The following B4GALNT2 variants were observed in gnomAD, a reference collection of about 807,000 sequenced individuals.
B4GALNT2 encodes beta-1,4-N-acetyl-galactosaminyltransferase 2 (SID blood group).
B4GALNT2 carries 42 observed loss-of-function variants against 51.1 expected under a neutral mutation model. The observed-to-expected ratio is 0.82, with a 90% CI of 0.64 to 1.06. B4GALNT2 has a LOEUF of 1.06. Among genes scored for constraint, B4GALNT2 ranks in the 50% least tolerant of loss-of-function variants. B4GALNT2 has a pLI of 0.00. For missense variants in B4GALNT2, 602 were observed against 633.6 expected (o/e 0.95, Z 0.54); for synonymous variants, 253 against 251.7 (o/e 1.01, Z -0.05).
intron 4 of B4GALNT2, among the ~76,000 whole-genome samples, chr17:49,154,109 T>G (rs1325915218): frequency 6.6e-6 from 1 of 151,748 alleles, no homozygotes; most frequent in African/African-American, 2.4e-5. Flanking sequence ...GTTCAAGCCA[T>G]TCTCCTGCCT....
intron 4 of B4GALNT2, among the ~76,000 whole-genome samples, 178 bp downstream of exon 4, chr17:49,153,084 C>T (rs747578035): frequency 1.3e-4 from 20 of 152,134 alleles, no homozygotes; most frequent in African/African-American, 2.7e-4. Context: ...GCCTGGGTGA[C>T]AGAGTGAGAC....
chr17:49,156,913 T>A (rs1009784443), intron 5 of B4GALNT2, among the ~76,000 whole-genome samples: 14 of 152,236 alleles, frequency 9.2e-5, no homozygotes, highest in African/African-American at 3.4e-4. Context: ...GGGTTAGGGC[T>A]GGCAGGACAG....
rs1214323289 is a variant in B4GALNT2, at chr17:49,169,557, G to A, written c.1350G>A (p.Val450=). 1 of 1,612,444 alleles carries A rather than the reference G, an allele frequency of 6.2e-7. No homozygotes were observed. The highest frequency in any genetic ancestry group is 1.1e-5 in the South Asian group (1 of 91,012). ...TTGATGGGCTAGGGACCCTACTCGT[G>A]GGGTCATGCCCAGAAGTGATTATAG... ...FFIDGLGTLL[V]GSCPEVIIGH... is the part of the protein sequence containing the mutation. The change falls in exon 11 of 11, where the codon GTG becomes GTA. Residue 450 remains valine (V), a synonymous_variant. Coordinates refer to ENST00000393354, the MANE Select transcript of B4GALNT2 (RefSeq NM_001159387.2).
chr17:49,140,024 C>T (rs2042626796), intron 1 of B4GALNT2, among the ~76,000 whole-genome samples: 2 of 149,812 alleles, frequency 1.3e-5, no homozygotes, highest in Admixed American at 6.7e-5. Context: ...AGAGATGTAA[C>T]TTTGCCCTAT....
chr17:49,144,595 G>A (rs767451414), intron 3 of B4GALNT2, among the ~76,000 whole-genome samples: 1 of 152,070 alleles, frequency 6.6e-6, no homozygotes, highest in Non-Finnish European at 1.5e-5. Flanking sequence ...TGTAAAATGA[G>A]GATGCTAATA....
chr17:49,160,408 A>G (rs1316112898), intron 6 of B4GALNT2, 147 bp from the exon 7 acceptor site: 1 of 758,942 alleles, frequency 1.3e-6, no homozygotes, highest in Non-Finnish European at 2.3e-6. Flanking sequence ...CCTGAATGCC[A>G]GAGACTCTAT....
chr17:49,163,756 C>CAAAAA (rs10589274), intron 7 of B4GALNT2, among the ~76,000 whole-genome samples: 4 of 91,120 alleles, frequency 4.4e-5, no homozygotes, highest in Admixed American at 1.3e-4. Flanking sequence ...AACTCCGTAT[C>CAAAAA]AAAAAAAAAA....
chr17:49,174,523 C>A lies in B4GALNT2; in HGVS notation c.*4795C>A, dbSNP rs1398581854. ...TCATAGCAGGAGAAGGCAGTCCTGG[C>A]TGCAATGTCCCCATAGGTTGTATAA... On this transcript the variant is annotated 3_prime_UTR_variant, in exon 11 of 11. Transcript: ENST00000393354. The A allele has an allele frequency of 6.6e-6, 1 of 152,204 alleles. No homozygotes were observed. The highest frequency in any genetic ancestry group is 2.4e-5 in the African/African-American group (1 of 41,448). 9.4% of individuals were successfully genotyped at this position (152,204 alleles called of 1,614,324 possible). A position where few individuals can be genotyped will look rare whatever the true frequency, so the allele number is the denominator to read the frequency against.
chr17:49,137,016 AG>A (rs1282223651), intron 1 of B4GALNT2, among the ~76,000 whole-genome samples: 4 of 152,204 alleles, frequency 2.6e-5, no homozygotes, highest in African/African-American at 9.6e-5. Flanking sequence ...ACAGCTTAAA[AG>A]GCATGTAATA....
In B4GALNT2 at chr17:49,151,698, A is replaced by G. The variant is rs182635618; in HGVS notation, c.354-1102A>G. On this transcript the variant is annotated intron_variant, in intron 3 of 10. Coordinates refer to ENST00000393354, the MANE Select transcript of B4GALNT2 (RefSeq NM_001159387.2). Reference sequence around the variant, plus strand: ...GAGGCAGAGGTTGCAGTGAGCTGAGATCGCACCACTGAACTCCAGCCTGGC... The same window carrying G: ...GAGGCAGAGGTTGCAGTGAGCTGAGGTCGCACCACTGAACTCCAGCCTGGC... 8.6e-5 allele frequency among the ~76,000 whole-genome samples: 13 copies of G among 151,634 alleles called. No homozygotes were observed. The East Asian group carries it at 2.3e-3, about 27-fold the overall frequency.
At chr17:49,156,635 T>C (rs1378314038) in intron 5 of B4GALNT2, 32 bp downstream of exon 5, 1 of 1,610,046 alleles carries the variant, frequency 6.2e-7, no homozygotes, top group Admixed American at 1.7e-5. Context: ...TCTTTGCACT[T>C]GGTGTCCTGT....
chr17:49,143,765 C>T (rs991723691), intron 3 of B4GALNT2, among the ~76,000 whole-genome samples: 40 of 152,170 alleles, frequency 2.6e-4, no homozygotes, highest in Admixed American at 2.6e-3. Context: ...AGGCTTCTTG[C>T]TACATCATAA....
At chr17:49,150,755 A>C (rs2042745432) in intron 3 of B4GALNT2, among the ~76,000 whole-genome samples, 2 of 150,202 alleles carry the variant, frequency 1.3e-5, no homozygotes, top group African/African-American at 4.9e-5. Context: ...ACCACTCCCT[A>C]ATCTCAAGTA....
At chr17:49,164,652 CCACCA>C (rs1037379829) in intron 8 of B4GALNT2, among the ~76,000 whole-genome samples, 2 of 152,068 alleles carry the variant, frequency 1.3e-5, no homozygotes, top group African/African-American at 4.8e-5. Flanking sequence ...CCAGCATGCA[CCACCA>C]CACCCGGCTA....
intron 5 of B4GALNT2, among the ~76,000 whole-genome samples, chr17:49,158,800 G>T (rs1189977333): frequency 1.3e-5 from 2 of 152,020 alleles, no homozygotes; most frequent in African/African-American, 4.8e-5. Flanking sequence ...AGATGGGAAT[G>T]TTTCCAGAAA....
intron 7 of B4GALNT2, 125 bp from the exon 8 acceptor site, chr17:49,163,963 A>G: frequency 2.3e-6 from 2 of 866,860 alleles, no homozygotes; most frequent in Non-Finnish European, 3.6e-6. Flanking sequence ...CCTCCTGGGT[A>G]CAAGAGGCAT....
chr17:49,132,469 A>G (rs778844676), upstream of B4GALNT2: 2 of 326,898 alleles, frequency 6.1e-6, no homozygotes, highest in Non-Finnish European at 1.1e-5. Context: ...CAAGGCCGCG[A>G]GGTTGGAGGG....
chr17:49,136,025 G>A (rs568571569), intron 1 of B4GALNT2, among the ~76,000 whole-genome samples: 61 of 151,428 alleles, frequency 4.0e-4, no homozygotes, highest in Non-Finnish European at 8.1e-4. Flanking sequence ...GGAGCTCGCA[G>A]TGAGCTGAGA....
chr17:49,147,990 G>T (rs2042712924), intron 3 of B4GALNT2, among the ~76,000 whole-genome samples: 1 of 148,308 alleles, frequency 6.7e-6, no homozygotes. Context: ...ATATATTTCA[G>T]ATTATAAGTT....
Sources: gnomAD v4.1 joint callset for allele counts (sites outside exome capture counted in the v4.1 genomes callset) on GRCh38, gnomAD v4.1.1 for gene constraint, MANE v1.5 for transcripts, NCBI Gene and HGNC (gene_info 2026-07-23, HGNC 2026-07-21) for gene names.